Variants in CNTRL observed in about 807,000 individuals in gnomAD.
CNTRL encodes the protein 110 kDa centrosomal protein.
CNTRL carries 233 observed loss-of-function variants against 303.7 expected under a neutral mutation model. The observed-to-expected ratio is 0.77, with a 90% CI of 0.69 to 0.86. CNTRL has a LOEUF of 0.86. Among genes scored for constraint, CNTRL ranks in the 40% least tolerant of loss-of-function variants. CNTRL has a pLI of 0.00. For synonymous variants in CNTRL, 900 were observed against 922.2 expected, an observed-to-expected ratio of 0.98 and a Z score of 0.44; for missense variants, 2,524 against 2,650.6, an observed-to-expected ratio of 0.95 and a Z score of 1.05.
At chr9:121,128,888 T>TTAAA (rs376988877) in intron 14 of CNTRL, among the ~76,000 whole-genome samples, 105,655 of 151,532 alleles carry the variant, frequency 0.7, 37,307 homozygotes, top group East Asian at 0.96. Flanking sequence ...GCACCATTTA[T>TTAAA]TAGTGATCCT....
In CNTRL at chr9:121,168,083, A is replaced by G. The variant is rs1247695661; in HGVS notation, c.5845-13A>G. 1 of 1,602,178 alleles carries G rather than the reference A, an allele frequency of 6.2e-7. No homozygotes were observed. The highest frequency in any genetic ancestry group is 8.5e-7 in the Non-Finnish European group (1 of 1,173,780). On this transcript the variant is annotated splice_polypyrimidine_tract_variant and intron_variant, in intron 37 of 43. Transcript: ENST00000373855. Reference sequence around the variant, plus strand: ...TGTTGTTTAATGACTAATCAAGATTATTCTTTATTAAGATGTTTCAGAGAC... The same window carrying G: ...TGTTGTTTAATGACTAATCAAGATTGTTCTTTATTAAGATGTTTCAGAGAC...
At position 121,148,780 on chromosome 9, in the gene CNTRL, G is replaced by A. The variant is rs373331558; in HGVS notation, c.3568G>A (p.Gly1190Ser). Residue 1190 changes from glycine to serine, a missense_variant, in exon 24 of 44, where the codon GGC becomes AGC. By Grantham distance (56) the Gly-to-Ser change is moderately conservative (BLOSUM62 0). Coordinates refer to ENST00000373855, the MANE Select transcript of CNTRL (RefSeq NM_007018.6). The stretch of plus-strand genomic sequence containing the variant: ...CCCTGGGCAGCAGGATGGGAAGGAA[G>A]GCAGTCAACCTCCCCCTGCCTCAGG... ...PRPGQQDGKE[G>S]SQPPPASGYW... 1.5e-5 allele frequency: 24 copies of A among 1,614,108 alleles called. No homozygotes were observed. In the African/African-American group the frequency reaches 1.9e-4, roughly 13 times the overall value.
chr9:121,127,094 A>G (rs548913502), intron 14 of CNTRL, among the ~76,000 whole-genome samples: 1 of 152,168 alleles, frequency 6.6e-6, no homozygotes, highest in South Asian at 2.1e-4. Flanking sequence ...TGCTCGGATT[A>G]CAGGTGTGAG....
intron 19 of CNTRL, among the ~76,000 whole-genome samples, chr9:121,143,358 G>A (rs1464361750): frequency 6.6e-6 from 1 of 152,128 alleles, no homozygotes; most frequent in East Asian, 1.9e-4. Context: ...CTGTCTGATC[G>A]ATCTGTCACT....
chr9:121,111,079 G>C (rs2049726061), intron 8 of CNTRL: 1 of 152,120 alleles, frequency 6.6e-6, no homozygotes, highest in Admixed American at 6.6e-5. Flanking sequence ...AAGATTAGTT[G>C]ACAGTGTTGA....
intron 1 of CNTRL, among the ~76,000 whole-genome samples, chr9:121,075,886 A>G (rs2047902871): frequency 6.6e-6 from 1 of 152,174 alleles, no homozygotes; most frequent in South Asian, 2.1e-4. Flanking sequence ...CAGTAAGTGG[A>G]AAATCAGAAT....
chr9:121,167,767 T>C (rs1227324374), intron 37 of CNTRL, 90 bp downstream of exon 37: 7 of 1,158,776 alleles, frequency 6.0e-6, no homozygotes, highest in Non-Finnish European at 8.7e-6. Context: ...CTGAGAAATA[T>C]CCCCAATGGG....
chr9:121,108,114 A>G, intron 8 of CNTRL, 119 bp downstream of exon 8: 1 of 624,860 alleles, frequency 1.6e-6, no homozygotes, highest in South Asian at 2.8e-5. Flanking sequence ...TTTAACAGAA[A>G]TATGTGGAAA....
chr9:121,114,165 C>CA (rs1287293210), intron 10 of CNTRL, among the ~76,000 whole-genome samples: 2 of 152,254 alleles, frequency 1.3e-5, no homozygotes, highest in Admixed American at 6.5e-5. Flanking sequence ...CTTTTCCTGA[C>CA]ATGCCCCATG....
intron 6 of CNTRL, 95 bp from the exon 7 acceptor site, chr9:121,098,291 C>T: frequency 1.1e-6 from 1 of 937,662 alleles, no homozygotes; most frequent in Non-Finnish European, 1.6e-6. Flanking sequence ...GAATAGATTC[C>T]TTGCCATGTT....
intron 2 of CNTRL, among the ~76,000 whole-genome samples, chr9:121,083,997 T>C (rs771816297): frequency 2.6e-5 from 4 of 152,224 alleles, no homozygotes; most frequent in Non-Finnish European, 5.9e-5. Context: ...CTTTCTAATA[T>C]CAATTTATAT....
chr9:121,139,907 CA>C (rs1266573955), intron 16 of CNTRL, among the ~76,000 whole-genome samples: 2 of 152,186 alleles, frequency 1.3e-5, no homozygotes, highest in Non-Finnish European at 2.9e-5. Context: ...AAAGTGAAGT[CA>C]ACTTTCTAGA....
intron 43 of CNTRL, 39 bp downstream of exon 43, chr9:121,175,263 G>C (rs917377930): frequency 6.3e-7 from 1 of 1,591,228 alleles, no homozygotes; most frequent in Non-Finnish European, 8.6e-7. Flanking sequence ...ACAATAGCCT[G>C]AGGTTGTTTT....
intron 25 of CNTRL, 72 bp from the exon 26 acceptor site, chr9:121,152,413 A>C: frequency 7.9e-7 from 1 of 1,258,990 alleles, no homozygotes; most frequent in South Asian, 1.3e-5. Flanking sequence ...AGTTAATTTC[A>C]GCTTTTGGCA....
At position 121,161,911 on chromosome 9, in the gene CNTRL, G is replaced by C. The variant is rs1276640337; in HGVS notation, c.5145G>C (p.Leu1715Phe). ...LQLENHELQG[L>F]KLQHDQRVSE... The stretch of plus-strand genomic sequence containing the variant: ...TTGAAAACCATGAGCTACAAGGTTT[G>C]AAGCTACAACATGACCAAAGGGTAT... Residue 1715 changes from leucine (L) to phenylalanine (F), a missense_variant, in exon 33 of 44, where the codon TTG becomes TTC. By Grantham distance (22) the Leu-to-Phe change is conservative. Transcript: ENST00000373855. 6.2e-7 allele frequency: 1 copy of C among 1,614,162 alleles called. No individual in the cohort carries two copies. Among genetic ancestry groups the C allele is most frequent in the East Asian group, 2.2e-5 (1 of 44,880 alleles).
chr9:121,167,509 G>A lies in CNTRL; in HGVS notation c.5676G>A (p.Lys1892=). The change falls in exon 37 of 44, where the codon AAG becomes AAA. Residue 1892 remains lysine, a synonymous_variant. Coordinates refer to ENST00000373855, the MANE Select transcript of CNTRL (RefSeq NM_007018.6). ...TAAAGGACCTGCTTCACACCACCAA[G>A]CATCAGGATGTGTTGCTCAGTGAGC... is the stretch of plus-strand genomic sequence containing the variant. ...LAKQDLLHTT[K]HQDVLLSEQT... 1.9e-6 allele frequency: 3 copies of A among 1,613,528 alleles called. No individual in the cohort carries two copies. Among genetic ancestry groups the A allele is most frequent in the Non-Finnish European group, 1.7e-6 (2 of 1,179,794 alleles).
intron 14 of CNTRL, among the ~76,000 whole-genome samples, chr9:121,130,303 T>G (rs951156363): frequency 6.6e-6 from 1 of 152,204 alleles, no homozygotes; most frequent in Non-Finnish European, 1.5e-5. Flanking sequence ...TGCCTCAATT[T>G]CAGATCCTGT....
At chr9:121,106,842 T>C (rs1467567393) in intron 7 of CNTRL, among the ~76,000 whole-genome samples, 2 of 152,172 alleles carry the variant, frequency 1.3e-5, no homozygotes, top group African/African-American at 4.8e-5. Context: ...TCATTAAAAA[T>C]ATTAATAATG....
intron 11 of CNTRL, among the ~76,000 whole-genome samples, chr9:121,116,564 C>G (rs1451679825): frequency 6.6e-6 from 1 of 152,140 alleles, no homozygotes; most frequent in Non-Finnish European, 1.5e-5. Context: ...CTCAAGCGAT[C>G]TGCCCGTCTT....
Sources: allele counts gnomAD v4.1 joint callset (sites outside exome capture counted in the v4.1 genomes callset), GRCh38; gene constraint gnomAD v4.1.1; transcripts MANE v1.5; gene names NCBI Gene and HGNC (gene_info 2026-07-23, HGNC 2026-07-21).